Variants in SH3D19 observed in about 807,000 individuals in gnomAD.
SH3D19 encodes SH3 domain containing 19, also known as SH3 domain-containing protein 19.
In SH3D19, 58 loss-of-function variants were observed where a neutral mutation model predicts 112.1. The observed-to-expected ratio is 0.52, with a 90% CI of 0.42 to 0.64. SH3D19 has a LOEUF of 0.64. Ranked by LOEUF, SH3D19 falls within the 30% of genes least tolerant of loss-of-function variation. The pLI is 0.00. For missense variants in SH3D19, 1,090 were observed against 1,263.4 expected, an observed-to-expected ratio of 0.86 and a Z score of 2.08; for synonymous variants, 391 against 448.5, an observed-to-expected ratio of 0.87 and a Z score of 1.62.
At chr4:151,320,881 A>G (rs1395654825) in intron 1 of SH3D19, among the ~76,000 whole-genome samples, 1 of 152,260 alleles carries the variant, frequency 6.6e-6, no homozygotes, top group East Asian at 1.9e-4. Flanking sequence ...CTCTACTAAA[A>G]ATACAAAAAT....
At chr4:151,239,070 AGAGACACCTG>A (rs1770357815) in intron 1 of SH3D19, among the ~76,000 whole-genome samples, 2 of 152,260 alleles carry the variant, frequency 1.3e-5, no homozygotes, top group Non-Finnish European at 2.9e-5. Flanking sequence ...TTGAGTGAGA[AGAGACACCTG>A]GAGACATCTG....
intron 3 of SH3D19, among the ~76,000 whole-genome samples, chr4:151,187,072 G>A (rs1761914839): frequency 6.6e-6 from 1 of 151,852 alleles, no homozygotes; most frequent in African/African-American, 2.4e-5. Flanking sequence ...GGGATTACAG[G>A]CATGAGCCAC....
chr4:151,207,499 G>C (rs1351047926), intron 2 of SH3D19, among the ~76,000 whole-genome samples: 2 of 152,234 alleles, frequency 1.3e-5, no homozygotes, highest in South Asian at 4.1e-4. Flanking sequence ...AAAGGAAGTT[G>C]ATCACTGTGT....
chr4:151,228,729 G>T (rs6828937), intron 1 of SH3D19, among the ~76,000 whole-genome samples: 125,827 of 152,196 alleles, frequency 0.83, 53,846 homozygotes, highest in Non-Finnish European at 0.95. Context: ...TTGGATGAAA[G>T]CCCAAGAATG....
At chr4:151,306,497 A>T (rs563045674) in intron 1 of SH3D19, among the ~76,000 whole-genome samples, 30 of 152,328 alleles carry the variant, frequency 2.0e-4, no homozygotes, top group African/African-American at 5.1e-4. Context: ...GGTACTTTTT[A>T]AAAAAGTCTA....
intron 2 of SH3D19, among the ~76,000 whole-genome samples, chr4:151,191,049 G>A (rs899907405): frequency 3.3e-5 from 5 of 152,224 alleles, no homozygotes; most frequent in African/African-American, 9.6e-5. Flanking sequence ...TGGACCTGGC[G>A]TCAAAGTAGA....
At chr4:151,137,899 T>A (rs746172986) in intron 13 of SH3D19, 37 bp from the exon 14 acceptor site, 3 of 1,548,314 alleles carry the variant, frequency 1.9e-6, no homozygotes, top group Admixed American at 4.1e-5. Flanking sequence ...TGATGAATCA[T>A]CCTGGTTGCA....
intron 7 of SH3D19, among the ~76,000 whole-genome samples, chr4:151,171,354 C>G (rs543638321): frequency 2.0e-5 from 3 of 152,260 alleles, no homozygotes; most frequent in African/African-American, 7.2e-5. Context: ...AATTCTATCA[C>G]AGACTGCTCT....
intron 1 of SH3D19, chr4:151,300,489 A>G (rs898992983): frequency 5.3e-5 from 8 of 152,188 alleles, no homozygotes; most frequent in African/African-American, 1.9e-4. Context: ...CTAAAAAAAA[A>G]TAAAGGGAAT....
intron 7 of SH3D19, 72 bp downstream of exon 7, chr4:151,174,598 A>G: frequency 7.1e-7 from 1 of 1,411,006 alleles, no homozygotes; most frequent in Non-Finnish European, 9.5e-7. Context: ...ACCAGAAACT[A>G]AAACAGCAAG....
At chr4:151,190,072 T>C (rs1762393200) in intron 2 of SH3D19, among the ~76,000 whole-genome samples, 1 of 152,210 alleles carries the variant, frequency 6.6e-6, no homozygotes, top group Non-Finnish European at 1.5e-5. Flanking sequence ...GTGACTCTTG[T>C]TATGTTTTAG....
intron 10 of SH3D19, 45 bp from the exon 11 acceptor site, chr4:151,148,231 T>A (rs1463766463): frequency 6.5e-7 from 1 of 1,531,464 alleles, no homozygotes; most frequent in African/African-American, 1.4e-5. Context: ...TTGATCAGTA[T>A]TAAATTCTGT....
intron 1 of SH3D19, among the ~76,000 whole-genome samples, chr4:151,303,132 G>C (rs1466762113): frequency 2.0e-5 from 3 of 152,214 alleles, no homozygotes; most frequent in Non-Finnish European, 4.4e-5. Flanking sequence ...GAATGCTAAA[G>C]ATAGGTTTTG....
chr4:151,205,314 A>T (rs1764945024), intron 2 of SH3D19, among the ~76,000 whole-genome samples: 1 of 152,124 alleles, frequency 6.6e-6, no homozygotes, highest in South Asian at 2.1e-4. Context: ...TTCAATCTTC[A>T]CATCTTCTGC....
In SH3D19 at chr4:151,275,992, G is replaced by A. The variant is rs374471371; in HGVS notation, c.112+49249C>T. Among the ~76,000 whole-genome samples, 9 of 151,930 alleles carry A rather than the reference G, an allele frequency of 5.9e-5. No homozygotes were observed. The East Asian group carries it at 1.2e-3, about 20-fold the overall frequency. On this transcript the variant is annotated intron_variant, in intron 1 of 19. Coordinates refer to ENST00000604030, the MANE Select transcript of SH3D19 (RefSeq NM_001378122.1). ...CGAGTAGCTGTGACTACAGGTGCAC[G>A]CCACTACACCCAGCTAATTTTTGTA...
At chr4:151,289,524 T>C (rs200072794) in intron 1 of SH3D19, among the ~76,000 whole-genome samples, 2 of 152,302 alleles carry the variant, frequency 1.3e-5, no homozygotes, top group East Asian at 1.9e-4. Flanking sequence ...AACTCGATCA[T>C]AAAAAGAGCA....
At chr4:151,177,098 C>T in intron 4 of SH3D19, 143 bp from the exon 5 acceptor site, 1 of 609,250 alleles carries the variant, frequency 1.6e-6, no homozygotes, top group Non-Finnish European at 2.4e-6. Context: ...CCTGTCAGGC[C>T]TGGGCTGTCT....
At chr4:151,246,727 T>C (rs1427169897) in intron 1 of SH3D19, among the ~76,000 whole-genome samples, 2 of 152,208 alleles carry the variant, frequency 1.3e-5, no homozygotes, top group Non-Finnish European at 2.9e-5. Context: ...CCCTATGAAG[T>C]ATGTTCTCTT....
intron 7 of SH3D19, among the ~76,000 whole-genome samples, chr4:151,174,146 G>T (rs1327918742): frequency 6.6e-5 from 10 of 152,166 alleles, no homozygotes; most frequent in Admixed American, 4.6e-4. Flanking sequence ...ACATTTTCGA[G>T]TCCTCCCCTG....
Sources: allele counts gnomAD v4.1 joint callset (sites outside exome capture counted in the v4.1 genomes callset), GRCh38; gene constraint gnomAD v4.1.1; transcripts MANE v1.5; gene names NCBI Gene and HGNC (gene_info 2026-07-23, HGNC 2026-07-21).